The following DPP10 variants were observed in gnomAD, a reference collection of about 807,000 sequenced individuals.
DPP10 encodes dipeptidyl peptidase like 10, also known as inactive dipeptidyl peptidase 10.
DPP10 carries 33 observed loss-of-function variants against 120.9 expected under a neutral mutation model. That is an observed-to-expected ratio of 0.27 (90% confidence interval 0.21 to 0.37). DPP10 has a LOEUF of 0.37. Ranked by LOEUF, DPP10 falls within the 10% of genes least tolerant of loss-of-function variation. DPP10 has a pLI of 1.00. For synonymous variants in DPP10, 337 were observed against 326.1 expected, an observed-to-expected ratio of 1.03 and a Z score of -0.36; for missense variants, 816 against 942.8, an observed-to-expected ratio of 0.87 and a Z score of 1.76.
At chr2:115,655,691 A>G (rs1256358505) in intron 5 of DPP10, among the ~76,000 whole-genome samples, 1 of 151,676 alleles carries the variant, frequency 6.6e-6, no homozygotes, top group Non-Finnish European at 1.5e-5. Flanking sequence ...TAAATGAATA[A>G]TGATGGAGAA....
chr2:114,575,977 T>C (rs1270055911), intron 1 of DPP10, among the ~76,000 whole-genome samples: 1 of 152,170 alleles, frequency 6.6e-6, no homozygotes, highest in Non-Finnish European at 1.5e-5. Flanking sequence ...GATGAAATAA[T>C]AACAGATGAA....
chr2:115,836,119 GATAT>G (rs34212292), intron 21 of DPP10, 34 bp from the exon 22 acceptor site: 39,026 of 704,246 alleles, frequency 0.055, 2 homozygotes, highest in South Asian at 0.084. Context: ...GTGTGTGTGA[GATAT>G]ATATATATAT....
chr2:115,386,705 T>C (rs1402105874), intron 3 of DPP10, among the ~76,000 whole-genome samples: 1 of 152,148 alleles, frequency 6.6e-6, no homozygotes, highest in Non-Finnish European at 1.5e-5. Context: ...TACACATCTG[T>C]CTCTTCTTTG....
chr2:114,941,632 T>C (rs1341652687), intron 1 of DPP10, among the ~76,000 whole-genome samples: 2 of 152,210 alleles, frequency 1.3e-5, no homozygotes, highest in Non-Finnish European at 2.9e-5. Context: ...ATCCTGAAAG[T>C]TGCCGTATTG....
At chr2:114,961,995 A>G (rs1306584200) in intron 1 of DPP10, among the ~76,000 whole-genome samples, 2 of 151,950 alleles carry the variant, frequency 1.3e-5, no homozygotes, top group Non-Finnish European at 2.9e-5. Flanking sequence ...CTCAGTTCCA[A>G]TTCATTAATT....
At chr2:114,585,971 A>G (rs557174690) in intron 1 of DPP10, among the ~76,000 whole-genome samples, 129 of 152,322 alleles carry the variant, frequency 8.5e-4, no homozygotes, top group African/African-American at 3.0e-3. Context: ...TTTATGGCCC[A>G]GTATGATGGC....
intron 1 of DPP10, among the ~76,000 whole-genome samples, chr2:114,843,500 A>G (rs1347384966): frequency 6.6e-6 from 1 of 152,194 alleles, no homozygotes; most frequent in Admixed American, 6.6e-5. Context: ...GAACAACAGA[A>G]AAGTAATATC....
chr2:114,442,869 A>C (rs902741638), intron 1 of DPP10, 31 bp downstream of exon 1: 4 of 1,611,902 alleles, frequency 2.5e-6, no homozygotes, highest in Non-Finnish European at 3.4e-6. Context: ...CTGCTTCTGC[A>C]CATGTGTCTT....
chr2:114,555,787 A>C (rs2104904323), intron 1 of DPP10, among the ~76,000 whole-genome samples: 1 of 152,322 alleles, frequency 6.6e-6, no homozygotes, highest in South Asian at 2.1e-4. Flanking sequence ...TGCTTTATTG[A>C]GCAATGCACA....
At chr2:114,752,428 C>T (rs1679320833) in intron 1 of DPP10, among the ~76,000 whole-genome samples, 1 of 152,206 alleles carries the variant, frequency 6.6e-6, no homozygotes, top group African/African-American at 2.4e-5. Flanking sequence ...GACCCAACTA[C>T]TCAGATTAGA....
chr2:114,579,749 G>C (rs780405422), intron 1 of DPP10, among the ~76,000 whole-genome samples: 4 of 152,152 alleles, frequency 2.6e-5, no homozygotes, highest in Non-Finnish European at 5.9e-5. Flanking sequence ...AGGAAAGCAG[G>C]AAATGATAAG....
intron 1 of DPP10, among the ~76,000 whole-genome samples, chr2:114,972,849 A>G (rs938374274): frequency 6.6e-6 from 1 of 152,204 alleles, no homozygotes; most frequent in African/African-American, 2.4e-5. Flanking sequence ...CATAAGCTCC[A>G]TAACAGAAGA....
chr2:115,139,779 T>C (rs1303465751), intron 1 of DPP10, among the ~76,000 whole-genome samples: 1 of 101,354 alleles, frequency 9.9e-6, no homozygotes, highest in East Asian at 3.5e-4. Context: ...TGTTATAAAA[T>C]ACCTTGACGA....
chr2:115,233,799 A>G (rs1416620262), intron 1 of DPP10, among the ~76,000 whole-genome samples: 1 of 152,154 alleles, frequency 6.6e-6, no homozygotes, highest in African/African-American at 2.4e-5. Context: ...CTTTTCACTC[A>G]TGGAAAACTC....
At chr2:115,655,259 G>C (rs181866988) in intron 5 of DPP10, among the ~76,000 whole-genome samples, 2 of 151,492 alleles carry the variant, frequency 1.3e-5, no homozygotes, top group African/African-American at 4.8e-5. Context: ...AAGCACAATC[G>C]AAAGTTTCAA....
intron 3 of DPP10, among the ~76,000 whole-genome samples, chr2:115,374,579 T>G (rs2106418791): frequency 6.6e-6 from 1 of 152,336 alleles, no homozygotes; most frequent in Admixed American, 6.5e-5. Flanking sequence ...AGCCTCACAT[T>G]TGCCTTCTGC....
chr2:115,081,436 G>T (rs1708265476), intron 1 of DPP10, among the ~76,000 whole-genome samples: 1 of 152,072 alleles, frequency 6.6e-6, no homozygotes, highest in Non-Finnish European at 1.5e-5. Context: ...TAATTTCTAT[G>T]ATATATTTTT....
At chr2:114,809,660 A>G (rs533826010) in intron 1 of DPP10, among the ~76,000 whole-genome samples, 1 of 152,212 alleles carries the variant, frequency 6.6e-6, no homozygotes, top group South Asian at 2.1e-4. Flanking sequence ...CAACCCAATC[A>G]CCCTGGAGGC....
chr2:115,476,991 A>G (rs1417883990), intron 3 of DPP10, among the ~76,000 whole-genome samples: 1 of 152,190 alleles, frequency 6.6e-6, no homozygotes, highest in African/African-American at 2.4e-5. Context: ...ACTCTCAACA[A>G]ACTAGGAATA....
Sources: gnomAD v4.1 joint callset for allele counts (sites outside exome capture counted in the v4.1 genomes callset) on GRCh38, gnomAD v4.1.1 for gene constraint, MANE v1.5 for transcripts, NCBI Gene and HGNC (gene_info 2026-07-23, HGNC 2026-07-21) for gene names.